Variants in SRCIN1 observed in about 807,000 individuals in gnomAD.
The protein encoded by SRCIN1 is SRC kinase signaling inhibitor 1.
Under a neutral mutation model 116.2 loss-of-function variants are expected in SRCIN1, and 50 were observed. The ratio of observed to expected loss-of-function variants is 0.43; its 90% CI spans 0.34 to 0.54. SRCIN1 has a LOEUF of 0.54. Ranked by LOEUF, SRCIN1 falls within the 20% of genes least tolerant of loss-of-function variation. The probability of loss-of-function intolerance (pLI) is 0.02; values close to 1 mark genes in which losing one functional copy is unlikely to be tolerated. For synonymous variants in SRCIN1, 736 were observed against 750.0 expected, an observed-to-expected ratio of 0.98 and a Z score of 0.30; for missense variants, 1,446 against 1,672.0, an observed-to-expected ratio of 0.86 and a Z score of 2.36.
chr17:38,586,075 T>C (rs1908098527), intron 1 of SRCIN1, among the ~76,000 whole-genome samples: 6 of 152,116 alleles, frequency 3.9e-5, no homozygotes. Context: ...ACAGAAGGCC[T>C]GAGACAGGGC....
At position 38,568,321 on chromosome 17, in the gene SRCIN1, A is replaced by G. The variant is rs1190861353; in HGVS notation, c.325-90T>C. Reference sequence around the variant, plus strand: ...GGCAGGTTAGAGACCCTTGGAACTCAGCACTCAGCCCTAGGACAAGGGCCC... The same window carrying G: ...GGCAGGTTAGAGACCCTTGGAACTCGGCACTCAGCCCTAGGACAAGGGCCC... On this transcript the variant is annotated intron_variant, in intron 2 of 18. Transcript: ENST00000617146. The surrounding 1 kb of genome is among the most constrained non-coding windows in gnomAD (Gnocchi z 4.5). 2 of 1,346,526 alleles carry G rather than the reference A, an allele frequency of 1.5e-6. No homozygotes were observed. The highest frequency in any genetic ancestry group is 2.4e-5 in the East Asian group (1 of 41,700). The allele number at this position is 1,346,526 out of a possible 1,614,324, so 83.4% of individuals were successfully genotyped here.
chr17:38,534,395 C>T (rs756644782), intron 18 of SRCIN1, among the ~76,000 whole-genome samples: 6 of 152,208 alleles, frequency 3.9e-5, no homozygotes, highest in Non-Finnish European at 8.8e-5. Flanking sequence ...CTCTGCTGCA[C>T]ACTTACCTTT....
At chr17:38,553,533 C>T (rs1905585423) in intron 11 of SRCIN1, among the ~76,000 whole-genome samples, 1 of 152,156 alleles carries the variant, frequency 6.6e-6, no homozygotes, top group Non-Finnish European at 1.5e-5. Flanking sequence ...GGTCTCTTGT[C>T]TCGGGGGAAA....
At position 38,552,854 on chromosome 17, in the gene SRCIN1, C is replaced by T. The variant is rs1051764013; in HGVS notation, c.2203G>A (p.Asp735Asn). ...DEELITQQLNDLEKSVEKIQR... is the reference protein window; with the variant it reads ...DEELITQQLNNLEKSVEKIQR... The stretch of plus-strand genomic sequence containing the variant: ...ATCTTCTCCACCGATTTCTCCAGGT[C>T]ACTGCAGCCACAGAGAGACCCTTTC... Residue 735 changes from aspartate (D) to asparagine (N), a missense_variant and splice_region_variant, in exon 12 of 19, where the codon GAC becomes AAC. This residue lies in a region of SRCIN1 where 531 missense variants were observed against 633.9 expected (regional missense o/e 0.84). Transcript: ENST00000617146. The surrounding 1 kb of genome is among the most constrained non-coding windows in gnomAD (Gnocchi z 5.3). The T allele has an allele frequency of 5.6e-6, 9 of 1,613,574 alleles. No homozygotes were observed. The highest frequency in any genetic ancestry group is 7.6e-6 in the Non-Finnish European group (9 of 1,179,738).
chr17:38,539,621 AC>A (rs1338102081), intron 18 of SRCIN1, among the ~76,000 whole-genome samples: 1 of 151,852 alleles, frequency 6.6e-6, no homozygotes, highest in African/African-American at 2.4e-5. Context: ...CTCGCTAAAC[AC>A]CTGCCCCACT....
rs1385063273 is a variant in SRCIN1, at chr17:38,593,571, C to G, written c.22+12113G>C. On this transcript the variant is annotated intron_variant, in intron 1 of 18. Coordinates refer to ENST00000617146, the MANE Select transcript of SRCIN1 (RefSeq NM_025248.3). ...GTCTGTCGTCTCTTCCCCCACAAAA[C>G]AGTCAGCAGCAGTGAGCTCACAGGA... 5.9e-5 allele frequency among the ~76,000 whole-genome samples: 9 copies of G among 152,150 alleles called. No individual in the cohort carries two copies. In the East Asian group the frequency reaches 1.7e-3, roughly 29 times the overall value.
intron 9 of SRCIN1, 45 bp downstream of exon 9, chr17:38,560,009 C>A (rs1205389088): frequency 6.7e-7 from 1 of 1,492,090 alleles, no homozygotes; most frequent in East Asian, 2.4e-5. Context: ...GATTAGAAAA[C>A]AGGCTCGGAG....
At chr17:38,534,865 C>T (rs1850907674) in intron 18 of SRCIN1, among the ~76,000 whole-genome samples, 2 of 152,186 alleles carry the variant, frequency 1.3e-5, no homozygotes, top group South Asian at 4.1e-4. Context: ...TGGTGGCTCA[C>T]ACCTGTAATC....
At position 38,604,653 on chromosome 17, in the gene SRCIN1, C is replaced by A; in HGVS notation, c.22+1031G>T. ...GCACCAGCAGCCGCACACGCCCCGC[C>A]GGGCCCTGACAGCTGAGCTGCGGAG... On this transcript the variant is annotated intron_variant, in intron 1 of 18. Coordinates refer to ENST00000617146, the MANE Select transcript of SRCIN1 (RefSeq NM_025248.3). This position sits in a 1 kb window ranked among gnomAD's most constrained non-coding sequence, Gnocchi z 4.3. 1 of 401,590 alleles carries A rather than the reference C, an allele frequency of 2.5e-6. No individual in the cohort carries two copies. The allele number at this position is 401,590 out of a possible 1,614,324, so 24.9% of individuals were successfully genotyped here. A position where few individuals can be genotyped will look rare whatever the true frequency, so the allele number is the denominator to read the frequency against.
chr17:38,562,334 C>T lies in SRCIN1; in HGVS notation c.835-6G>A. 1 of 1,453,334 alleles carries T rather than the reference C, an allele frequency of 6.9e-7. No individual in the cohort carries two copies. The highest frequency in any genetic ancestry group is 2.8e-5 in the Admixed American group (1 of 36,232). The allele number at this position is 1,453,334 out of a possible 1,614,324, so 90.0% of individuals were successfully genotyped here. ...GATGCGTACACCATCTCTCTCTGCG[C>T]AGAAGACAGCCCGGAACCCCACGGG... On this transcript the variant is annotated splice_polypyrimidine_tract_variant and splice_region_variant and intron_variant, in intron 6 of 18. Coordinates refer to ENST00000617146, the MANE Select transcript of SRCIN1 (RefSeq NM_025248.3). This position sits in a 1 kb window ranked among gnomAD's most constrained non-coding sequence, Gnocchi z 4.2.
At chr17:38,564,366 C>A in intron 3 of SRCIN1, 53 bp from the exon 4 acceptor site, 5 of 1,437,586 alleles carry the variant, frequency 3.5e-6, no homozygotes, top group Non-Finnish European at 4.6e-6. Flanking sequence ...CCCCCCTCCC[C>A]TTTGCTTGTC....
rs1007164455 is a variant in SRCIN1, at chr17:38,602,061, A to G, written c.22+3623T>C. On this transcript the variant is annotated intron_variant, in intron 1 of 18. Coordinates refer to ENST00000617146, the MANE Select transcript of SRCIN1 (RefSeq NM_025248.3). This position sits in a 1 kb window ranked among gnomAD's most constrained non-coding sequence, Gnocchi z 4.2. ...GAGGGCATCCAGGGGAGTGCTCTGG[A>G]GCCCAGGTATCGGGTAGAGGAACCC... 6.6e-6 allele frequency among the ~76,000 whole-genome samples: 1 copy of G among 152,164 alleles called. No individual in the cohort carries two copies. The highest frequency in any genetic ancestry group is 1.9e-4 in the East Asian group (1 of 5,170).
At chr17:38,570,262 C>A (rs544062729) in intron 2 of SRCIN1, among the ~76,000 whole-genome samples, 1 of 152,304 alleles carries the variant, frequency 6.6e-6, no homozygotes, top group South Asian at 2.1e-4. Context: ...CATACACAAA[C>A]GTGTTTGGCT....
rs747179507 is a variant in SRCIN1 at position 38,543,908 on chromosome 17, G to A, written c.3332C>T (p.Ala1111Val). 2.0e-5 allele frequency: 32 copies of A among 1,603,954 alleles called. No individual in the cohort carries two copies. Among genetic ancestry groups the A allele is most frequent in the Middle Eastern group, 1.6e-4 (1 of 6,072 alleles). ...VVTPGASRLKAAQGQAGSPDK... is the reference protein window; with the variant it reads ...VVTPGASRLKVAQGQAGSPDK... ...GGGGCTGCCCGCCTGGCCCTGGGCC[G>A]CCTTCAGCCGAGAGGCCCCCGGAGT... The change falls in exon 18 of 19, where the codon GCG becomes GTG. Residue 1111 changes from alanine to valine, a missense_variant. Physicochemically the swap from Ala to Val is moderately conservative, Grantham distance 64 (BLOSUM62 0). This residue lies in a region of SRCIN1 where 531 missense variants were observed against 633.9 expected (regional missense o/e 0.84). Transcript: ENST00000617146.
chr17:38,571,654 G>A (rs1401612568), intron 2 of SRCIN1, among the ~76,000 whole-genome samples: 1 of 152,208 alleles, frequency 6.6e-6, no homozygotes, highest in Non-Finnish European at 1.5e-5. Flanking sequence ...GGGGTGAGTA[G>A]GGGAGACCCC....
chr17:38,564,117 C>T lies in SRCIN1; in HGVS notation c.541+1G>A, dbSNP rs1327846777. The T allele has an allele frequency of 6.3e-7, 1 of 1,596,000 alleles. No homozygotes were observed. On this transcript the variant is annotated splice_donor_variant, in intron 4 of 18. Transcript: ENST00000617146. LOFTEE classifies it high-confidence loss of function. Reference sequence around the variant, plus strand: ...GGGAGGGTGGACTGGGCGGGCAGTACCTGGGGAGCGCAGCTTGGTCTGGCT... The same window carrying T: ...GGGAGGGTGGACTGGGCGGGCAGTATCTGGGGAGCGCAGCTTGGTCTGGCT...
In SRCIN1 at chr17:38,604,740, A is replaced by C; in HGVS notation, c.22+944T>G. 3.4e-6 allele frequency: 1 copy of C among 296,880 alleles called. No individual in the cohort carries two copies. The highest frequency in any genetic ancestry group is 6.6e-6 in the Non-Finnish European group (1 of 151,972). The allele number at this position is 296,880 out of a possible 1,614,324, so 18.4% of individuals were successfully genotyped here. A position where few individuals can be genotyped will look rare whatever the true frequency, so the allele number is the denominator to read the frequency against. Reference sequence around the variant, plus strand: ...TGCTGCCCCCACCGACAGGACTCGGAGCTGGCCCGGGAGCTTCTGACGTAG... The same window carrying C: ...TGCTGCCCCCACCGACAGGACTCGGCGCTGGCCCGGGAGCTTCTGACGTAG... On this transcript the variant is annotated intron_variant, in intron 1 of 18. Coordinates refer to ENST00000617146, the MANE Select transcript of SRCIN1 (RefSeq NM_025248.3). The surrounding 1 kb of genome is among the most constrained non-coding windows in gnomAD (Gnocchi z 4.3).
At chr17:38,586,719 G>T (rs1348182074) in intron 1 of SRCIN1, among the ~76,000 whole-genome samples, 1 of 152,220 alleles carries the variant, frequency 6.6e-6, no homozygotes, top group Non-Finnish European at 1.5e-5. Context: ...GATGCAAAGG[G>T]CAGCTAGGGA....
chr17:38,605,434 G>A (rs1909305726), intron 1 of SRCIN1, among the ~76,000 whole-genome samples: 1 of 134,826 alleles, frequency 7.4e-6, no homozygotes, highest in African/African-American at 2.9e-5. Flanking sequence ...CCAGTCTCCT[G>A]CCTCGCCACC....
Sources: allele counts gnomAD v4.1 joint callset (sites outside exome capture counted in the v4.1 genomes callset), GRCh38; gene constraint gnomAD v4.1.1; regional missense constraint gnomAD v4.1.1; non-coding constraint Gnocchi (gnomAD v3.1); transcripts MANE v1.5; gene names NCBI Gene and HGNC (gene_info 2026-07-23, HGNC 2026-07-21).